The following PDE4B variants were observed in gnomAD, a reference collection of about 807,000 sequenced individuals.
The protein encoded by PDE4B is phosphodiesterase 4B, also known as 3',5'-cyclic-AMP phosphodiesterase 4B.
PDE4B carries 20 observed loss-of-function variants against 82.2 expected under a neutral mutation model. The ratio of observed to expected loss-of-function variants is 0.24; its 90% CI spans 0.17 to 0.35. PDE4B has a LOEUF of 0.35. Among genes scored for constraint, PDE4B ranks in the 10% least tolerant of loss-of-function variants. The pLI is 1.00. For synonymous variants in PDE4B, 320 were observed against 318.9 expected (o/e 1.00, Z -0.04); for missense variants, 655 against 907.2 (o/e 0.72, Z 3.57).
intron 3 of PDE4B, among the ~76,000 whole-genome samples, chr1:65,959,724 AG>A (rs1649452952): frequency 2.0e-5 from 3 of 152,108 alleles, no homozygotes; most frequent in Admixed American, 2.0e-4. Flanking sequence ...GGGTCAGAAG[AG>A]GGTGCTGATT....
chr1:66,249,667 A>G (rs1416783014), intron 4 of PDE4B, among the ~76,000 whole-genome samples: 2 of 111,392 alleles, frequency 1.8e-5, no homozygotes, highest in African/African-American at 6.9e-5. Context: ...ATTCCCCACC[A>G]CCCGCCCCAC....
intron 3 of PDE4B, among the ~76,000 whole-genome samples, chr1:65,993,578 A>G (rs1036798464): frequency 6.6e-6 from 1 of 152,168 alleles, no homozygotes; most frequent in Non-Finnish European, 1.5e-5. Context: ...GATAATGTAT[A>G]AAGTCTAACT....
intron 3 of PDE4B, among the ~76,000 whole-genome samples, chr1:66,002,138 G>A (rs970234088): frequency 6.6e-6 from 1 of 152,060 alleles, no homozygotes; most frequent in Non-Finnish European, 1.5e-5. Flanking sequence ...ATGTGTGAGG[G>A]CATTTTGTAT....
Position 66,114,916 on chromosome 1 carries a change from G to A in PDE4B, c.282-132544G>A, listed in dbSNP as rs117138834. 3.3e-3 allele frequency among the ~76,000 whole-genome samples: 496 copies of A among 152,202 alleles called. 23 individuals are homozygous for A. The East Asian group carries it at 0.075, about 23-fold the overall frequency. ...CTCCTAAAGTACTGGGATTACAGGG[G>A]TGAGCCACCACACCCAGTCATATAA... On this transcript the variant is annotated intron_variant, in intron 3 of 16. Coordinates refer to ENST00000341517, the MANE Select transcript of PDE4B (RefSeq NM_002600.4).
At chr1:66,043,746 G>A (rs1292421657) in intron 3 of PDE4B, among the ~76,000 whole-genome samples, 1 of 151,760 alleles carries the variant, frequency 6.6e-6, no homozygotes, top group Non-Finnish European at 1.5e-5. Context: ...GGAACTGTTT[G>A]ACCTAACAGT....
intron 8 of PDE4B, among the ~76,000 whole-genome samples, chr1:66,350,180 C>T (rs935510538): frequency 1.3e-5 from 2 of 152,008 alleles, no homozygotes; most frequent in Admixed American, 1.3e-4. Flanking sequence ...TAAGTTATGA[C>T]TAACAAAGTA....
chr1:66,100,890 GTTGCATATGT>G (rs1645208453), intron 3 of PDE4B, among the ~76,000 whole-genome samples: 1 of 152,068 alleles, frequency 6.6e-6, no homozygotes, highest in African/African-American at 2.4e-5. Context: ...GTGCAGGTTT[GTTGCATATGT>G]ATACATGTGC....
chr1:65,882,088 G>T (rs963640496), intron 1 of PDE4B, among the ~76,000 whole-genome samples: 1 of 152,170 alleles, frequency 6.6e-6, no homozygotes, highest in Non-Finnish European at 1.5e-5. Flanking sequence ...GCAAGGGAAA[G>T]CCTTGCTTGT....
intron 1 of PDE4B, among the ~76,000 whole-genome samples, chr1:65,861,289 A>G (rs1378229515): frequency 6.6e-6 from 1 of 152,184 alleles, no homozygotes; most frequent in Non-Finnish European, 1.5e-5. Context: ...TCTCAGCACC[A>G]TTTATTAAAT....
intron 3 of PDE4B, among the ~76,000 whole-genome samples, chr1:66,060,719 T>C (rs1655542028): frequency 6.6e-6 from 1 of 152,202 alleles, no homozygotes; most frequent in Non-Finnish European, 1.5e-5. Context: ...GCTTTGCTTC[T>C]GTGACTCACA....
chr1:66,097,231 G>A (rs2101010003), intron 3 of PDE4B, among the ~76,000 whole-genome samples: 1 of 152,188 alleles, frequency 6.6e-6, no homozygotes, highest in Non-Finnish European at 1.5e-5. Flanking sequence ...ATGTATGGGA[G>A]TTTAAGTTGT....
intron 7 of PDE4B, among the ~76,000 whole-genome samples, chr1:66,318,726 A>C (rs1659190051): frequency 6.6e-6 from 1 of 152,234 alleles, no homozygotes; most frequent in South Asian, 2.1e-4. Flanking sequence ...TATTTTACTT[A>C]ATATATGCAA....
intron 12 of PDE4B, among the ~76,000 whole-genome samples, chr1:66,364,754 ACTAT>A (rs911166050): frequency 7.9e-5 from 12 of 152,220 alleles, no homozygotes; most frequent in Non-Finnish European, 1.6e-4. Context: ...GTGAGGCAAC[ACTAT>A]CTATCAACTG....
At chr1:66,291,732 C>A (rs1305190424) in intron 7 of PDE4B, among the ~76,000 whole-genome samples, 1 of 152,056 alleles carries the variant, frequency 6.6e-6, no homozygotes, top group African/African-American at 2.4e-5. Context: ...GCTCCAAGGA[C>A]TGGCAATAAT....
At chr1:66,209,898 A>G (rs897929698) in intron 3 of PDE4B, among the ~76,000 whole-genome samples, 4 of 152,170 alleles carry the variant, frequency 2.6e-5, no homozygotes, top group African/African-American at 9.7e-5. Flanking sequence ...ATTATATCAC[A>G]CATCACATTT....
chr1:66,067,814 T>A lies in PDE4B; in HGVS notation c.281+148979T>A, dbSNP rs187537145. Among the ~76,000 whole-genome samples, 7 of 151,954 alleles carry A rather than the reference T, an allele frequency of 4.6e-5. No homozygotes were observed. The East Asian group carries it at 1.4e-3, about 29-fold the overall frequency. ...GTACTGCCTAGGTTTTCTTCTAGGGTTTTTATGGTTTTAGGTCTAACATTT... is the reference window on the plus strand; with the variant it reads ...GTACTGCCTAGGTTTTCTTCTAGGGATTTTATGGTTTTAGGTCTAACATTT... On this transcript the variant is annotated intron_variant, in intron 3 of 16. Transcript: ENST00000341517.
chr1:65,841,025 G>A (rs1015686093), intron 1 of PDE4B, among the ~76,000 whole-genome samples: 3 of 152,240 alleles, frequency 2.0e-5, no homozygotes, highest in Middle Eastern at 3.4e-3. Context: ...GGCCAGGCAC[G>A]GTTGTTTACA....
intron 3 of PDE4B, among the ~76,000 whole-genome samples, chr1:66,141,814 C>T (rs1417782567): frequency 6.6e-6 from 1 of 152,118 alleles, no homozygotes; most frequent in Non-Finnish European, 1.5e-5. Flanking sequence ...GGCACCAACA[C>T]AATGTATTCT....
intron 3 of PDE4B, among the ~76,000 whole-genome samples, chr1:65,963,088 T>C (rs754487521): frequency 9.2e-5 from 14 of 152,292 alleles, no homozygotes; most frequent in Non-Finnish European, 2.1e-4. Flanking sequence ...GAAAATTTAA[T>C]AATCACCTTT....
Sources: gnomAD v4.1 joint callset for allele counts (sites outside exome capture counted in the v4.1 genomes callset) on GRCh38, gnomAD v4.1.1 for gene constraint, MANE v1.5 for transcripts, NCBI Gene and HGNC (gene_info 2026-07-23, HGNC 2026-07-21) for gene names.